The following OLA1 variants were observed in gnomAD, a reference collection of about 807,000 sequenced individuals.
OLA1 encodes obg-like ATPase 1.
Under a neutral mutation model 48.4 loss-of-function variants are expected in OLA1, and 14 were observed. The observed-to-expected ratio is 0.29, with a 90% CI of 0.19 to 0.45. OLA1 has a LOEUF of 0.45. OLA1 is among the 20% of genes least tolerant of loss of function. The probability of loss-of-function intolerance (pLI) is 1.00; values close to 1 mark genes in which losing one functional copy is unlikely to be tolerated. For missense variants in OLA1, 325 were observed against 467.1 expected (o/e 0.70, Z 2.80); for synonymous variants, 127 against 150.4 (o/e 0.84, Z 1.14).
chr2:174,180,427 T>C (rs757034662), intron 4 of OLA1, among the ~76,000 whole-genome samples: 14 of 152,204 alleles, frequency 9.2e-5, no homozygotes, highest in Non-Finnish European at 2.1e-4. Flanking sequence ...ATTTGTTGTA[T>C]GTGTGTTAGT....
At chr2:174,242,819 G>T (rs115226657) in intron 2 of OLA1, among the ~76,000 whole-genome samples, 424 of 152,210 alleles carry the variant, frequency 2.8e-3, no homozygotes, top group African/African-American at 9.8e-3. Flanking sequence ...ATAATACACT[G>T]CTCCAACAGG....
In OLA1 at chr2:174,076,692, T is replaced by C; in HGVS notation, c.1090-1165A>G. Among the ~76,000 whole-genome samples the C allele has an allele frequency of 1.3e-5, 2 of 151,862 alleles. 1 individual carries two copies. Among genetic ancestry groups the C allele is most frequent in the East Asian group, 3.9e-4 (2 of 5,188 alleles). On this transcript the variant is annotated intron_variant, in intron 10 of 10. Transcript: ENST00000284719. ...TAACAGAATATAAATATATGAAGAA[T>C]ATATAAAGCTTATTTCTAGAAAGCC...
At chr2:174,170,570 A>G (rs150460395) in intron 4 of OLA1, among the ~76,000 whole-genome samples, 2 of 152,304 alleles carry the variant, frequency 1.3e-5, no homozygotes, top group African/African-American at 4.8e-5. Flanking sequence ...AAAATAGAAC[A>G]CAATCATATG....
At chr2:174,106,468 A>G (rs1685517392) in intron 7 of OLA1, among the ~76,000 whole-genome samples, 1 of 152,150 alleles carries the variant, frequency 6.6e-6, no homozygotes, top group Admixed American at 6.6e-5. Flanking sequence ...AAATGAGTTT[A>G]CCTCACTGAT....
At chr2:174,206,519 C>T (rs1003406116) in intron 4 of OLA1, among the ~76,000 whole-genome samples, 2 of 151,936 alleles carry the variant, frequency 1.3e-5, no homozygotes, top group African/African-American at 4.8e-5. Context: ...GCAGAGAGGA[C>T]AGGAAAGAAG....
At chr2:174,136,672 C>CT (rs555917413) in intron 5 of OLA1, among the ~76,000 whole-genome samples, 372 of 141,832 alleles carry the variant, frequency 2.6e-3, no homozygotes, top group Middle Eastern at 7.2e-3. Flanking sequence ...CATGAATATT[C>CT]TTTTTTTTTT....
At chr2:174,216,075 T>C (rs1320059748) in intron 4 of OLA1, among the ~76,000 whole-genome samples, 1 of 152,050 alleles carries the variant, frequency 6.6e-6, no homozygotes, top group Non-Finnish European at 1.5e-5. Context: ...GCAGGAGGAC[T>C]GCTTGAGCCC....
At chr2:174,219,914 T>C (rs1688461947) in intron 4 of OLA1, among the ~76,000 whole-genome samples, 1 of 152,104 alleles carries the variant, frequency 6.6e-6, no homozygotes, top group African/African-American at 2.4e-5. Flanking sequence ...GGCATATCAC[T>C]TGAGGTGAGG....
At chr2:174,235,408 G>C (rs1201617646) in intron 2 of OLA1, among the ~76,000 whole-genome samples, 1 of 152,112 alleles carries the variant, frequency 6.6e-6, no homozygotes, top group Non-Finnish European at 1.5e-5. Context: ...TGGTTTTGGG[G>C]AGTTTTGCTT....
At chr2:174,204,157 T>C (rs1688056379) in intron 4 of OLA1, among the ~76,000 whole-genome samples, 1 of 151,740 alleles carries the variant, frequency 6.6e-6, no homozygotes, top group Admixed American at 6.6e-5. Context: ...ATCCCAGCAC[T>C]TTGGGAGGCC....
At chr2:174,111,730 T>G (rs1160641745) in intron 7 of OLA1, among the ~76,000 whole-genome samples, 1 of 152,188 alleles carries the variant, frequency 6.6e-6, no homozygotes, top group Admixed American at 6.5e-5. Context: ...TCTCACACAC[T>G]TCCCTACTCC....
intron 4 of OLA1, among the ~76,000 whole-genome samples, chr2:174,152,110 TA>T (rs1245135301): frequency 6.6e-6 from 1 of 152,194 alleles, no homozygotes; most frequent in Non-Finnish European, 1.5e-5. Context: ...TTACTTTCCT[TA>T]AGTTAGAAAG....
chr2:174,116,662 T>C (rs62174160), intron 7 of OLA1, among the ~76,000 whole-genome samples: 2 of 152,178 alleles, frequency 1.3e-5, no homozygotes, highest in Admixed American at 6.5e-5. Flanking sequence ...TGTACGCAAT[T>C]AGGAAAAGTT....
At chr2:174,202,997 G>A (rs1306314317) in intron 4 of OLA1, among the ~76,000 whole-genome samples, 5 of 152,016 alleles carry the variant, frequency 3.3e-5, no homozygotes, top group African/African-American at 9.7e-5. Context: ...GTACATAAAT[G>A]TGCACACATT....
intron 7 of OLA1, among the ~76,000 whole-genome samples, chr2:174,085,612 A>G (rs1301321968): frequency 2.6e-5 from 4 of 152,190 alleles, no homozygotes; most frequent in Non-Finnish European, 5.9e-5. Context: ...TATTAAATTA[A>G]TATCAAATTT....
chr2:174,092,451 G>C (rs1368054415), intron 7 of OLA1, among the ~76,000 whole-genome samples: 1 of 152,002 alleles, frequency 6.6e-6, no homozygotes, highest in Non-Finnish European at 1.5e-5. Flanking sequence ...GATCATTTGA[G>C]GCCAGGAGTT....
At chr2:174,081,275 C>G in intron 8 of OLA1, 27 bp from the exon 9 acceptor site, 4 of 1,556,472 alleles carry the variant, frequency 2.6e-6, no homozygotes, top group Non-Finnish European at 2.7e-6. Context: ...CAAATTCACC[C>G]AACACATAAG....
At chr2:174,151,854 G>C (rs1428857656) in intron 4 of OLA1, among the ~76,000 whole-genome samples, 2 of 152,092 alleles carry the variant, frequency 1.3e-5, no homozygotes, top group Admixed American at 6.5e-5. Context: ...GGTGCGAGTG[G>C]GGATGTGAAC....
At chr2:174,154,118 G>A (rs1043173049) in intron 4 of OLA1, among the ~76,000 whole-genome samples, 7 of 152,028 alleles carry the variant, frequency 4.6e-5, no homozygotes, top group Non-Finnish European at 7.4e-5. Context: ...CAATCCTCCC[G>A]CCTCAGCTGC....
Sources: gnomAD v4.1 joint callset for allele counts (sites outside exome capture counted in the v4.1 genomes callset) on GRCh38, gnomAD v4.1.1 for gene constraint, MANE v1.5 for transcripts, NCBI Gene and HGNC (gene_info 2026-07-23, HGNC 2026-07-21) for gene names.